Variants in RYR1 observed in about 807,000 individuals in gnomAD.
RYR1 encodes the protein ryanodine receptor 1, also known as central core disease of muscle.
Under a neutral mutation model 583.5 loss-of-function variants are expected in RYR1, and 342 were observed. The observed-to-expected ratio is 0.59, with a 90% CI of 0.54 to 0.64. The LOEUF (loss-of-function observed/expected upper bound fraction) is 0.64. RYR1 is among the 30% of genes least tolerant of loss of function. The probability of loss-of-function intolerance (pLI) is 0.00; values close to 1 mark genes in which losing one functional copy is unlikely to be tolerated. For synonymous variants in RYR1, 2,791 were observed against 2,822.5 expected (o/e 0.99, Z 0.35); for missense variants, 6,032 against 6,917.2 (o/e 0.87, Z 4.54).
In RYR1 at chr19:38,528,629, C is replaced by T; in HGVS notation, c.10968C>T (p.Ser3656=). 6.2e-7 allele frequency: 1 copy of T among 1,614,170 alleles called. No individual in the cohort carries two copies. The highest frequency in any genetic ancestry group is 8.5e-7 in the Non-Finnish European group (1 of 1,180,022). The part of the protein sequence containing the change: ...THRACNMFLE[S]YKAAWILTED... ...GGGCATGTAACATGTTCCTGGAGAG[C>T]TACAAGGCTGCATGGATCCTGACTG... Residue 3656 remains serine, a synonymous_variant, in exon 75 of 106, where the codon AGC becomes AGT. Transcript: ENST00000359596.
At chr19:38,537,764 C>G (rs1314182007) in intron 83 of RYR1, 116 bp from the exon 84 acceptor site, 10 of 997,320 alleles carry the variant, frequency 1.0e-5, no homozygotes, top group Admixed American at 5.1e-5. Context: ...GCTGCTCCTC[C>G]CAGCACCCCC....
chr19:38,463,352 T>G, intron 20 of RYR1, 71 bp from the exon 21 acceptor site: 2 of 1,341,106 alleles, frequency 1.5e-6, no homozygotes, highest in Non-Finnish European at 2.1e-6. Flanking sequence ...ACAGGTGTTC[T>G]TGGAAAGAGG....
rs1018109874 is a variant in RYR1, at chr19:38,435,935, T to C, written c.45+2061T>C. On this transcript the variant is annotated intron_variant, in intron 1 of 105. Coordinates refer to ENST00000359596, the MANE Select transcript of RYR1 (RefSeq NM_000540.3). ...ATTTATTTATTTTTTTGAGATGGAG[T>C]TTCACTCTTGTTGCCCAGACTGGAG... 7.2e-5 allele frequency among the ~76,000 whole-genome samples: 11 copies of C among 152,102 alleles called. 1 individual carries two copies. Among genetic ancestry groups the C allele is most frequent in the Admixed American group, 7.2e-4 (11 of 15,252 alleles).
At chr19:38,473,330 G>A (rs1968527157) in intron 27 of RYR1, 47 bp from the exon 28 acceptor site, 2 of 1,612,080 alleles carry the variant, frequency 1.2e-6, no homozygotes, top group Admixed American at 1.7e-5. Context: ...CAACGGCCTG[G>A]CCTAGCCCGC....
chr19:38,517,796 G>A, intron 66 of RYR1, 105 bp downstream of exon 66: 3 of 1,146,696 alleles, frequency 2.6e-6, no homozygotes, highest in East Asian at 4.8e-5. Flanking sequence ...GTTGGGAGGA[G>A]TCAGAGTGTA....
Position 38,565,194 on chromosome 19 carries a change from C to T in RYR1, c.12860C>T (p.Ala4287Val). Residue 4287 changes from alanine to valine, a missense_variant, in exon 91 of 106, where the codon GCC becomes GTC. Ala to Val is a moderately conservative substitution (Grantham distance 64, BLOSUM62 0). Coordinates refer to ENST00000359596, the MANE Select transcript of RYR1 (RefSeq NM_000540.3). The surrounding 1 kb of genome is among the most constrained non-coding windows in gnomAD (Gnocchi z 4.7). ...GCGGCGGGGCTCGAGGGCACGGCGG[C>T]CACGGCGGCGGCGGGGGCGACGGCG... is the stretch of plus-strand genomic sequence containing the variant. ...EGAAGLEGTAATAAAGATARV... is the reference protein window; with the variant it reads ...EGAAGLEGTAVTAAAGATARV... 3.8e-6 allele frequency: 4 copies of T among 1,047,512 alleles called. No individual in the cohort carries two copies. Among genetic ancestry groups the T allele is most frequent in the Non-Finnish European group, 4.6e-6 (4 of 872,490 alleles). The allele number at this position is 1,047,512 out of a possible 1,614,324, so 64.9% of individuals were successfully genotyped here.
In RYR1 at chr19:38,444,715, C is replaced by CG. The variant is rs751304571; in HGVS notation, c.631+38_631+39insG. ...GACCTCCCCCTAAATGGAGATCCCCCCAAAACAGACCCTTAATGTTGCCCT... is the reference window on the plus strand; with the variant it reads ...GACCTCCCCCTAAATGGAGATCCCCCGCAAAACAGACCCTTAATGTTGCCCT... On this transcript the variant is annotated intron_variant, in intron 7 of 105. Transcript: ENST00000359596. This position sits in a 1 kb window ranked among gnomAD's most constrained non-coding sequence, Gnocchi z 5.1. 1 of 1,482,298 alleles carries CG rather than the reference C, an allele frequency of 6.7e-7. No individual in the cohort carries two copies. Among genetic ancestry groups the CG allele is most frequent in the Non-Finnish European group, 9.4e-7 (1 of 1,067,906 alleles). The allele number at this position is 1,482,298 out of a possible 1,614,324, so 91.8% of individuals were successfully genotyped here. A position where few individuals can be genotyped will look rare whatever the true frequency, so the allele number is the denominator to read the frequency against.
At position 38,523,899 on chromosome 19, in the gene RYR1, C is replaced by T. The variant is rs773784572; in HGVS notation, c.10441-16C>T. 12 of 1,613,862 alleles carry T rather than the reference C, an allele frequency of 7.4e-6. No individual in the cohort carries two copies. The highest frequency in any genetic ancestry group is 1.7e-5 in the Admixed American group (1 of 59,970). ...GGGTAACCCTTCTTGTCTCTGTCTGCGGTCCGGTGAAGCAGGCGGGAGATA... is the reference window on the plus strand; with the variant it reads ...GGGTAACCCTTCTTGTCTCTGTCTGTGGTCCGGTGAAGCAGGCGGGAGATA... On this transcript the variant is annotated splice_polypyrimidine_tract_variant and intron_variant, in intron 69 of 105. Coordinates refer to ENST00000359596, the MANE Select transcript of RYR1 (RefSeq NM_000540.3).
At chr19:38,555,536 A>C (rs1047881723) in intron 89 of RYR1, among the ~76,000 whole-genome samples, 7 of 152,050 alleles carry the variant, frequency 4.6e-5, no homozygotes, top group Non-Finnish European at 8.8e-5. Context: ...TATTTAACAA[A>C]CCACAATGTC....
chr19:38,537,334 AT>A (rs1972018545), intron 83 of RYR1, among the ~76,000 whole-genome samples: 1 of 151,978 alleles, frequency 6.6e-6, no homozygotes, highest in Admixed American at 6.5e-5. Context: ...TCAGATGCCC[AT>A]TCTGATTGGC....
chr19:38,493,068 C>CA lies in RYR1; in HGVS notation c.6274+442dup, dbSNP rs376278381. Among the ~76,000 whole-genome samples, 455 of 140,892 alleles carry CA rather than the reference C, an allele frequency of 3.2e-3. 2 individuals are homozygous for CA. Among genetic ancestry groups the CA allele is most frequent in the East Asian group, 0.024 (117 of 4,818 alleles). 92.4% of individuals were successfully genotyped at this position (140,892 alleles called of 152,430 possible). On this transcript the variant is annotated intron_variant, in intron 38 of 105. Coordinates refer to ENST00000359596, the MANE Select transcript of RYR1 (RefSeq NM_000540.3). ...TGGGTGACAGAGCGAGACTCTGTCT[C>CA]AAAAAAAAAACAAAAACAAAGATGC...
intron 89 of RYR1, among the ~76,000 whole-genome samples, chr19:38,552,401 G>A (rs900858640): frequency 2.0e-5 from 3 of 152,042 alleles, no homozygotes; most frequent in African/African-American, 7.2e-5. Flanking sequence ...CTACAGGCAT[G>A]CGCCACCACA....
chr19:38,577,548 G>A (rs1022032273), intron 97 of RYR1, among the ~76,000 whole-genome samples: 2 of 151,982 alleles, frequency 1.3e-5, no homozygotes, highest in African/African-American at 2.4e-5. Context: ...TGTAATCCCA[G>A]CACTTTGGGA....
chr19:38,475,261 G>C, intron 28 of RYR1, 57 bp from the exon 29 acceptor site: 4 of 1,549,136 alleles, frequency 2.6e-6, no homozygotes, highest in Non-Finnish European at 3.5e-6. Context: ...TGAATATTGC[G>C]GTGGGAGGGC....
intron 93 of RYR1, among the ~76,000 whole-genome samples, chr19:38,568,183 C>G (rs1432968952): frequency 6.6e-6 from 1 of 152,198 alleles, no homozygotes; most frequent in Non-Finnish European, 1.5e-5. Flanking sequence ...CACCCACCCA[C>G]ACTTCCACCT....
At position 38,528,657 on chromosome 19, in the gene RYR1, G is replaced by A. The variant is rs770941901; in HGVS notation, c.10996G>A (p.Asp3666Asn). Residue 3666 changes from aspartate to asparagine, a missense_variant, in exon 75 of 106, where the codon GAC becomes AAC. This residue lies in a region of RYR1 where 1,493 missense variants were observed against 1,715.5 expected (regional missense o/e 0.87). Transcript: ENST00000359596. Reference protein sequence around the residue: ...SYKAAWILTEDHSFEDRMIDD... With the variant: ...SYKAAWILTENHSFEDRMIDD... ...CAAGGCTGCATGGATCCTGACTGAA[G>A]ACCACAGTTTTGAGGACCGCATGAT... The A allele has an allele frequency of 9.3e-6, 15 of 1,614,064 alleles. No individual in the cohort carries two copies. The highest frequency in any genetic ancestry group is 1.6e-4 in the Middle Eastern group (1 of 6,084).
intron 96 of RYR1, among the ~76,000 whole-genome samples, chr19:38,574,779 TAATC>T (rs1444784812): frequency 6.6e-6 from 1 of 152,012 alleles, no homozygotes; most frequent in Non-Finnish European, 1.5e-5. Context: ...CTCACATCTG[TAATC>T]AATCCTAGCA....
intron 52 of RYR1, 46 bp from the exon 53 acceptor site, chr19:38,505,263 C>A: frequency 2.8e-6 from 4 of 1,410,716 alleles, no homozygotes; most frequent in South Asian, 2.4e-5. Context: ...CCCCGTGTGT[C>A]CCCAACTGCT....
At chr19:38,519,059 T>A (rs943454466) in intron 66 of RYR1, among the ~76,000 whole-genome samples, 155 bp from the exon 67 acceptor site, 4 of 151,918 alleles carry the variant, frequency 2.6e-5, no homozygotes, top group African/African-American at 4.8e-5. Context: ...ATGGCTGGGA[T>A]CAGTGTTCAG....
Sources: allele counts gnomAD v4.1 joint callset (sites outside exome capture counted in the v4.1 genomes callset), GRCh38; gene constraint gnomAD v4.1.1; regional missense constraint gnomAD v4.1.1; non-coding constraint Gnocchi (gnomAD v3.1); transcripts MANE v1.5; gene names NCBI Gene and HGNC (gene_info 2026-07-23, HGNC 2026-07-21).